The following LIMCH1 variants were observed in gnomAD, a reference collection of about 807,000 sequenced individuals.
LIMCH1 encodes the protein LIM and calponin homology domains 1.
In LIMCH1, 113 loss-of-function variants were observed where a neutral mutation model predicts 176.5. That is an observed-to-expected ratio of 0.64 (90% CI 0.55 to 0.75). The LOEUF is 0.75. Among genes scored for constraint, LIMCH1 ranks in the 30% least tolerant of loss-of-function variants. The pLI is 0.00. For synonymous variants in LIMCH1, 619 were observed against 645.9 expected, an observed-to-expected ratio of 0.96 and a Z score of 0.63; for missense variants, 1,674 against 1,814.9, an observed-to-expected ratio of 0.92 and a Z score of 1.41.
chr4:41,392,807 G>A lies in LIMCH1; in HGVS notation c.96+31871G>A, dbSNP rs192738654. On this transcript the variant is annotated intron_variant, in intron 1 of 26. Transcript: ENST00000313860. Reference sequence around the variant, plus strand: ...AGCCTGTGGGAGGCCGAGGCAGGTGGATCACTTGAGGTCAGGAATTCGAGA... The same window carrying A: ...AGCCTGTGGGAGGCCGAGGCAGGTGAATCACTTGAGGTCAGGAATTCGAGA... Among the ~76,000 whole-genome samples the A allele has an allele frequency of 6.4e-3, 980 of 152,242 alleles. 12 individuals carry two copies. The highest frequency in any genetic ancestry group is 0.023 in the African/African-American group (946 of 41,536).
At chr4:41,578,936 C>T (rs1384182371) in intron 1 of LIMCH1, among the ~76,000 whole-genome samples, 1 of 152,072 alleles carries the variant, frequency 6.6e-6, no homozygotes, top group Non-Finnish European at 1.5e-5. Flanking sequence ...CTCCTGGCCT[C>T]AAGGGATTCT....
intron 2 of LIMCH1, among the ~76,000 whole-genome samples, chr4:41,599,538 A>T (rs1299917984): frequency 2.0e-5 from 3 of 152,228 alleles, no homozygotes; most frequent in Admixed American, 2.0e-4. Flanking sequence ...CTACTTAATG[A>T]GCCCTGTTTG....
chr4:41,527,822 CAAAAAA>C (rs34651693), intron 3 of LIMCH1, among the ~76,000 whole-genome samples: 9 of 47,122 alleles, frequency 1.9e-4, no homozygotes, highest in African/African-American at 4.2e-4. Flanking sequence ...GACTCCGTCT[CAAAAAA>C]AAAAAAAAAA....
Position 41,686,967 on chromosome 4 carries a change from A to G in LIMCH1, c.4089-873A>G, listed in dbSNP as rs994390618. 9.9e-5 allele frequency among the ~76,000 whole-genome samples: 15 copies of G among 152,274 alleles called. No homozygotes were observed. In the East Asian group the frequency reaches 2.9e-3, roughly 29 times the overall value. On this transcript the variant is annotated intron_variant, in intron 28 of 31. Transcript: ENST00000503057. ...AGTGATGTTTAATCTTTTTTAAAGCATTGGTACTTATACTTTAGGGTGTTA... is the reference window on the plus strand; with the variant it reads ...AGTGATGTTTAATCTTTTTTAAAGCGTTGGTACTTATACTTTAGGGTGTTA...
intron 1 of LIMCH1, among the ~76,000 whole-genome samples, chr4:41,467,344 C>T (rs976493086): frequency 2.6e-5 from 4 of 152,100 alleles, no homozygotes; most frequent in African/African-American, 9.7e-5. Context: ...TGTATTAGTT[C>T]GTTCTCATGC....
chr4:41,636,230 C>CT (rs76076652), intron 13 of LIMCH1, among the ~76,000 whole-genome samples: 408 of 136,844 alleles, frequency 3.0e-3, no homozygotes, highest in South Asian at 5.7e-3. Context: ...ACTTTATTGA[C>CT]TTTTTTTTTT....
intron 1 of LIMCH1, among the ~76,000 whole-genome samples, chr4:41,430,775 C>T (rs1243964246): frequency 2.0e-5 from 3 of 152,164 alleles, no homozygotes; most frequent in Non-Finnish European, 4.4e-5. Context: ...TGTGGTTTTG[C>T]CATGCTTTAG....
At chr4:41,482,811 T>G (rs934947147) in intron 1 of LIMCH1, among the ~76,000 whole-genome samples, 3 of 152,180 alleles carry the variant, frequency 2.0e-5, no homozygotes, top group African/African-American at 7.2e-5. Context: ...CATGCAAACC[T>G]TTGGAGTAGG....
In LIMCH1 at chr4:41,469,631, A is replaced by G. The variant is rs559908893; in HGVS notation, c.97-24905A>G. The stretch of plus-strand genomic sequence containing the variant: ...AAATAATTTCTTTTTAGTTTTAACA[A>G]CCTTTTTTAGGATTATGTCATAGCT... On this transcript the variant is annotated intron_variant, in intron 1 of 26. Coordinates refer to the LIMCH1 transcript ENST00000313860. 2.6e-5 allele frequency among the ~76,000 whole-genome samples: 4 copies of G among 151,470 alleles called. No individual in the cohort carries two copies. The South Asian group carries it at 6.3e-4, about 24-fold the overall frequency.
intron 4 of LIMCH1, among the ~76,000 whole-genome samples, chr4:41,607,375 C>T (rs996734207): frequency 1.3e-5 from 2 of 152,198 alleles, no homozygotes; most frequent in African/African-American, 4.8e-5. Context: ...TTGGTCATAA[C>T]GCACATACAC....
intron 1 of LIMCH1, among the ~76,000 whole-genome samples, chr4:41,456,421 A>G (rs1187362854): frequency 6.6e-6 from 1 of 152,142 alleles, no homozygotes. Context: ...ACACCAAGTA[A>G]TATGCCTTGT....
At chr4:41,680,405 GTTCCA>G (rs1249094336) in intron 24 of LIMCH1, among the ~76,000 whole-genome samples, 4 of 152,178 alleles carry the variant, frequency 2.6e-5, no homozygotes, top group Admixed American at 2.0e-4. Context: ...GAAATAATCA[GTTCCA>G]TTCATTTGTG....
At chr4:41,668,598 C>T (rs566455154) in intron 21 of LIMCH1, among the ~76,000 whole-genome samples, 3 of 152,184 alleles carry the variant, frequency 2.0e-5, no homozygotes, top group East Asian at 3.9e-4. Context: ...TTACCCAAGT[C>T]GAATGACTAA....
intron 1 of LIMCH1, among the ~76,000 whole-genome samples, chr4:41,392,677 C>A (rs538265374): frequency 7.9e-5 from 12 of 152,266 alleles, no homozygotes; most frequent in African/African-American, 1.7e-4. Flanking sequence ...AGTCTTCTTC[C>A]ATCTCATCTA....
chr4:41,428,138 C>T (rs2061285056), intron 1 of LIMCH1, among the ~76,000 whole-genome samples: 1 of 152,154 alleles, frequency 6.6e-6, no homozygotes, highest in Non-Finnish European at 1.5e-5. Context: ...TGTCGACTTT[C>T]TCATCTTTTG....
chr4:41,465,166 G>A (rs986023091), intron 1 of LIMCH1, among the ~76,000 whole-genome samples: 2 of 152,110 alleles, frequency 1.3e-5, no homozygotes, highest in African/African-American at 2.4e-5. Context: ...TCCTGCTGGC[G>A]TCTATTTTTT....
chr4:41,528,228 A>G (rs957139202), intron 3 of LIMCH1, among the ~76,000 whole-genome samples: 3 of 152,144 alleles, frequency 2.0e-5, no homozygotes, highest in African/African-American at 4.8e-5. Flanking sequence ...AAAGGAAGGA[A>G]GGAAGGGAGA....
Position 41,628,801 on chromosome 4 carries a change from A to C in LIMCH1, c.1029-691A>C, listed in dbSNP as rs60605308. Among the ~76,000 whole-genome samples, 923 of 152,338 alleles carry C rather than the reference A, an allele frequency of 6.1e-3. 8 individuals carry two copies. Among genetic ancestry groups the C allele is most frequent in the African/African-American group, 0.02 (836 of 41,570 alleles). On this transcript the variant is annotated intron_variant, in intron 8 of 31. Coordinates refer to ENST00000503057, the MANE Select transcript of LIMCH1 (RefSeq NM_001330672.2). ...AAAATATCAGTTTTAGCATCAATAAAGGTGAACGGTTATTAACACAAGAAA... is the reference window on the plus strand; with the variant it reads ...AAAATATCAGTTTTAGCATCAATAACGGTGAACGGTTATTAACACAAGAAA...
intron 2 of LIMCH1, among the ~76,000 whole-genome samples, chr4:41,601,121 C>G (rs965202168): frequency 6.6e-6 from 1 of 152,154 alleles, no homozygotes; most frequent in African/African-American, 2.4e-5. Context: ...TTCATTCATT[C>G]ATTCAACAAA....
Sources: allele counts gnomAD v4.1 joint callset (sites outside exome capture counted in the v4.1 genomes callset), GRCh38; gene constraint gnomAD v4.1.1; transcripts MANE v1.5; gene names NCBI Gene and HGNC (gene_info 2026-07-23, HGNC 2026-07-21).